ATP13A4: variants seen among roughly 807,000 people sequenced by gnomAD.
ATP13A4 encodes the protein ATPase 13A4.
Under a neutral mutation model 142.5 loss-of-function variants are expected in ATP13A4, and 114 were observed. The ratio of observed to expected loss-of-function variants is 0.80; its 90% CI spans 0.69 to 0.93. ATP13A4 has a LOEUF of 0.93. Among genes scored for constraint, ATP13A4 ranks in the 40% least tolerant of loss-of-function variants. ATP13A4 has a pLI of 0.00. For missense variants in ATP13A4, 1,392 were observed against 1,454.0 expected (o/e 0.96, Z 0.69); for synonymous variants, 488 against 514.8 (o/e 0.95, Z 0.70).
intron 1 of ATP13A4, among the ~76,000 whole-genome samples, chr3:193,549,080 T>A (rs969561786): frequency 1.3e-5 from 2 of 152,186 alleles, no homozygotes; most frequent in Non-Finnish European, 2.9e-5. Flanking sequence ...ATTTTCAATG[T>A]CAGCATGAAT....
intron 1 of ATP13A4, among the ~76,000 whole-genome samples, chr3:193,517,541 C>A (rs1327470711): frequency 6.6e-6 from 1 of 152,168 alleles, no homozygotes; most frequent in Non-Finnish European, 1.5e-5. Context: ...AGTACAGTGG[C>A]GCGATCTCGG....
intron 29 of ATP13A4, chr3:193,404,205 TCTTA>T (rs769697126): frequency 1.2e-5 from 12 of 962,060 alleles, no homozygotes; most frequent in African/African-American, 3.5e-5. Flanking sequence ...GGTTTTAAAA[TCTTA>T]CTTACTTCAA....
At chr3:193,478,405 A>C (rs1221477886) in intron 8 of ATP13A4, among the ~76,000 whole-genome samples, 1 of 152,070 alleles carries the variant, frequency 6.6e-6, no homozygotes, top group African/African-American at 2.4e-5. Flanking sequence ...AGAAGACAGA[A>C]GATCCAAATA....
chr3:193,478,115 G>A (rs1719074288), intron 8 of ATP13A4, among the ~76,000 whole-genome samples: 1 of 151,924 alleles, frequency 6.6e-6, no homozygotes, highest in African/African-American at 2.4e-5. Flanking sequence ...TGTATCTATA[G>A]GTTCAACACA....
chr3:193,469,239 G>A (rs1467684264), intron 9 of ATP13A4, among the ~76,000 whole-genome samples: 1 of 152,142 alleles, frequency 6.6e-6, no homozygotes, highest in Non-Finnish European at 1.5e-5. Context: ...TGGAGAGAGA[G>A]AATTATCTTA....
At chr3:193,484,223 G>T (rs1470073300) in intron 7 of ATP13A4, among the ~76,000 whole-genome samples, 1 of 151,932 alleles carries the variant, frequency 6.6e-6, no homozygotes, top group East Asian at 1.9e-4. Context: ...TTCTTCAGCA[G>T]AAAGGAATTT....
intron 28 of ATP13A4, 39 bp from the exon 29 acceptor site, chr3:193,407,432 C>T (rs773732019): frequency 2.8e-5 from 42 of 1,505,876 alleles, no homozygotes; most frequent in East Asian, 4.5e-5. Flanking sequence ...TCTGAAGACA[C>T]GCAGATGCTG....
chr3:193,440,326 GA>G (rs1016770467), intron 21 of ATP13A4: 173 of 711,746 alleles, frequency 2.4e-4, no homozygotes, highest in Middle Eastern at 1.2e-3. Context: ...TGACTTAAGT[GA>G]AAAAAAATAC....
intron 23 of ATP13A4, 63 bp from the exon 24 acceptor site, chr3:193,435,807 T>C: frequency 5.0e-6 from 7 of 1,407,942 alleles, no homozygotes; most frequent in Non-Finnish European, 7.0e-6. Flanking sequence ...TCAGTCATTC[T>C]GTGCTGTTCA....
chr3:193,413,153 T>C (rs1296335894), intron 26 of ATP13A4, among the ~76,000 whole-genome samples: 1 of 152,164 alleles, frequency 6.6e-6, no homozygotes, highest in Non-Finnish European at 1.5e-5. Context: ...GTTCCCAAAA[T>C]TAATACTTTT....
chr3:193,542,137 A>G (rs1406759740), intron 1 of ATP13A4, among the ~76,000 whole-genome samples: 8 of 152,222 alleles, frequency 5.3e-5, no homozygotes, highest in Admixed American at 1.3e-4. Context: ...GTCTCAGGAT[A>G]CAAAATCAAT....
intron 1 of ATP13A4, among the ~76,000 whole-genome samples, chr3:193,587,088 G>A (rs910416859): frequency 6.6e-6 from 1 of 152,116 alleles, no homozygotes; most frequent in African/African-American, 2.4e-5. Context: ...GTTTTTTAAT[G>A]CTATTGTGAA....
At chr3:193,430,316 T>A (rs550554755) in intron 25 of ATP13A4, among the ~76,000 whole-genome samples, 1 of 152,244 alleles carries the variant, frequency 6.6e-6, no homozygotes, top group East Asian at 1.9e-4. Flanking sequence ...GGTTGTTCTT[T>A]CAATAGATTT....
chr3:193,523,821 G>A (rs1721856734), intron 1 of ATP13A4, among the ~76,000 whole-genome samples: 1 of 152,180 alleles, frequency 6.6e-6, no homozygotes, highest in Non-Finnish European at 1.5e-5. Context: ...GAATCTAGTG[G>A]TAGGGGTCTG....
intron 24 of ATP13A4, among the ~76,000 whole-genome samples, 162 bp downstream of exon 24, chr3:193,435,486 T>C (rs1263408906): frequency 1.3e-5 from 2 of 152,216 alleles, no homozygotes; most frequent in African/African-American, 4.8e-5. Flanking sequence ...CAAATCTGTC[T>C]ATTTGTGATT....
At chr3:193,486,563 G>T (rs928252086) in intron 7 of ATP13A4, among the ~76,000 whole-genome samples, 4 of 152,214 alleles carry the variant, frequency 2.6e-5, no homozygotes, top group Non-Finnish European at 5.9e-5. Flanking sequence ...AGCAGTATCT[G>T]CTACCACATC....
chr3:193,405,476 C>A (rs1714448938), intron 29 of ATP13A4, among the ~76,000 whole-genome samples: 1 of 152,144 alleles, frequency 6.6e-6, no homozygotes, highest in Non-Finnish European at 1.5e-5. Flanking sequence ...TTCAGACTTG[C>A]TGGAAATAGG....
chr3:193,412,881 G>T (rs577742192), intron 26 of ATP13A4, among the ~76,000 whole-genome samples: 1 of 152,234 alleles, frequency 6.6e-6, no homozygotes, highest in Admixed American at 6.5e-5. Context: ...AAAATTAGCT[G>T]CACATGGCAG....
At chr3:193,523,163 G>A (rs1191526887) in intron 1 of ATP13A4, among the ~76,000 whole-genome samples, 1 of 152,088 alleles carries the variant, frequency 6.6e-6, no homozygotes, top group Non-Finnish European at 1.5e-5. Flanking sequence ...AATTAGCCAG[G>A]CGTAGTGGCA....
Sources: gnomAD v4.1 joint callset for allele counts (sites outside exome capture counted in the v4.1 genomes callset) on GRCh38, gnomAD v4.1.1 for gene constraint, MANE v1.5 for transcripts, NCBI Gene and HGNC (gene_info 2026-07-23, HGNC 2026-07-21) for gene names.